CTNNA2: variants seen among roughly 807,000 people sequenced by gnomAD.
CTNNA2 encodes the protein catenin alpha 2.
CTNNA2 carries 42 observed loss-of-function variants against 101.0 expected under a neutral mutation model. The observed-to-expected ratio is 0.42, with a 90% CI of 0.32 to 0.54. The LOEUF (loss-of-function observed/expected upper bound fraction) is 0.54, where lower values mean the gene tolerates loss of function less well. CTNNA2 is among the 20% of genes least tolerant of loss of function. CTNNA2 has a pLI of 0.14. For synonymous variants in CTNNA2, 450 were observed against 456.4 expected, an observed-to-expected ratio of 0.99 and a Z score of 0.18; for missense variants, 871 against 1,223.1, an observed-to-expected ratio of 0.71 and a Z score of 4.29.
intron 6 of CTNNA2, among the ~76,000 whole-genome samples, chr2:79,906,381 A>C (rs1685428175): frequency 6.6e-6 from 1 of 151,952 alleles, no homozygotes; most frequent in African/African-American, 2.4e-5. Context: ...ACACAGGCCC[A>C]CGTGCACTGG....
At chr2:79,713,005 T>C (rs982225964) in intron 2 of CTNNA2, among the ~76,000 whole-genome samples, 2 of 152,216 alleles carry the variant, frequency 1.3e-5, no homozygotes, top group Non-Finnish European at 2.9e-5. Context: ...TTAAACAGCA[T>C]GTATGTGAGT....
chr2:80,504,677 C>T (rs758361601), intron 9 of CTNNA2, among the ~76,000 whole-genome samples: 61 of 152,256 alleles, frequency 4.0e-4, no homozygotes, highest in Non-Finnish European at 6.8e-4. Context: ...GTCTCCTTTA[C>T]GCCTTACCAG....
chr2:79,687,282 T>A (rs954306948), intron 2 of CTNNA2, among the ~76,000 whole-genome samples: 8 of 152,100 alleles, frequency 5.3e-5, no homozygotes, highest in Non-Finnish European at 1.0e-4. Context: ...TCTGAAAAAG[T>A]GATACTCAAA....
intron 3 of CTNNA2, among the ~76,000 whole-genome samples, chr2:79,322,546 C>T (rs571821383): frequency 6.6e-6 from 1 of 152,238 alleles, no homozygotes; most frequent in African/African-American, 2.4e-5. Flanking sequence ...ATATTTCTTT[C>T]CATATGATAC....
chr2:80,606,414 C>CACACACACACA (rs1558638318), intron 16 of CTNNA2, among the ~76,000 whole-genome samples: 7 of 51,614 alleles, frequency 1.4e-4, no homozygotes, highest in African/African-American at 3.2e-4. Flanking sequence ...ACACACACAC[C>CACACACACACA]CCCCAGGATA....
intron 2 of CTNNA2, among the ~76,000 whole-genome samples, chr2:79,220,751 A>G (rs1674331755): frequency 6.6e-6 from 1 of 152,200 alleles, no homozygotes; most frequent in Non-Finnish European, 1.5e-5. Context: ...AGAAATCAAT[A>G]AGTTATATTC....
intron 9 of CTNNA2, among the ~76,000 whole-genome samples, chr2:80,503,448 G>GA (rs1482890160): frequency 6.6e-6 from 1 of 152,160 alleles, no homozygotes; most frequent in African/African-American, 2.4e-5. Flanking sequence ...CCTCTGTTTT[G>GA]AAAAAAATCT....
chr2:79,392,018 C>T (rs144603337), intron 4 of CTNNA2, among the ~76,000 whole-genome samples: 6 of 152,074 alleles, frequency 3.9e-5, no homozygotes, highest in Non-Finnish European at 7.4e-5. Flanking sequence ...AACACCAGTC[C>T]AATTGGATTA....
intron 1 of CTNNA2, among the ~76,000 whole-genome samples, chr2:79,190,127 C>T (rs1393791921): frequency 6.6e-6 from 1 of 152,046 alleles, no homozygotes; most frequent in Non-Finnish European, 1.5e-5. Context: ...TCCTCTGACC[C>T]ATGGATTGTT....
At chr2:80,051,005 C>A (rs951658049) in intron 7 of CTNNA2, among the ~76,000 whole-genome samples, 20 of 152,130 alleles carry the variant, frequency 1.3e-4, no homozygotes, top group Non-Finnish European at 2.2e-4. Context: ...AGATTACAGG[C>A]GTGAGCCATG....
At chr2:79,692,704 T>C (rs1214853177) in intron 2 of CTNNA2, among the ~76,000 whole-genome samples, 1 of 151,660 alleles carries the variant, frequency 6.6e-6, no homozygotes, top group Admixed American at 6.6e-5. Context: ...ATAAAAAGGG[T>C]GAGTTCATGT....
At chr2:79,658,454 C>A (rs773964616) in intron 2 of CTNNA2, among the ~76,000 whole-genome samples, 6 of 151,950 alleles carry the variant, frequency 3.9e-5, no homozygotes, top group Non-Finnish European at 8.8e-5. Flanking sequence ...CTTAATAAAA[C>A]ATAGGTGTCA....
intron 1 of CTNNA2, among the ~76,000 whole-genome samples, chr2:79,590,610 T>A (rs1676783820): frequency 6.6e-6 from 1 of 152,210 alleles, no homozygotes; most frequent in Admixed American, 6.5e-5. Context: ...TACGCTTTCG[T>A]CCTTTATTAA....
chr2:79,216,336 G>GAGTT (rs113275732), intron 2 of CTNNA2, among the ~76,000 whole-genome samples: 8 of 150,480 alleles, frequency 5.3e-5, no homozygotes, highest in African/African-American at 2.0e-4. Flanking sequence ...AGAGAAAAGA[G>GAGTT]AGAGACACGG....
At chr2:79,935,221 A>G (rs570363492) in intron 7 of CTNNA2, among the ~76,000 whole-genome samples, 2 of 152,174 alleles carry the variant, frequency 1.3e-5, no homozygotes, top group Admixed American at 6.5e-5. Context: ...GAAGAACACT[A>G]TTGTCTTTGT....
At chr2:80,285,044 A>G (rs569825322) in intron 7 of CTNNA2, among the ~76,000 whole-genome samples, 3 of 152,134 alleles carry the variant, frequency 2.0e-5, no homozygotes, top group African/African-American at 7.2e-5. Flanking sequence ...TCTTCTAGAC[A>G]TCACTTTCTT....
At position 80,567,560 on chromosome 2, in the gene CTNNA2, T is replaced by G. The variant is rs1694171241; in HGVS notation, c.1742-6603T>G. On this transcript the variant is annotated intron_variant, in intron 12 of 18. Coordinates refer to ENST00000402739, the MANE Select transcript of CTNNA2 (RefSeq NM_001282597.3). ...TCTTCTGTCATCTAATTAGGGGGCCTCCTGAATAATCCCTTAGCAGTGTCT... is the reference window on the plus strand; with the variant it reads ...TCTTCTGTCATCTAATTAGGGGGCCGCCTGAATAATCCCTTAGCAGTGTCT... Among the ~76,000 whole-genome samples, 3 of 152,162 alleles carry G rather than the reference T, an allele frequency of 2.0e-5. No homozygotes were observed. The South Asian group carries it at 6.2e-4, about 32-fold the overall frequency.
intron 9 of CTNNA2, among the ~76,000 whole-genome samples, chr2:80,528,735 C>T (rs1254103632): frequency 2.0e-5 from 3 of 152,058 alleles, no homozygotes; most frequent in Non-Finnish European, 2.9e-5. Context: ...CCAGAGAGGG[C>T]TTTTTTCTTC....
At chr2:80,001,290 A>G (rs1026955943) in intron 7 of CTNNA2, among the ~76,000 whole-genome samples, 6 of 152,152 alleles carry the variant, frequency 3.9e-5, no homozygotes, top group Non-Finnish European at 8.8e-5. Context: ...CTCTAGGGTT[A>G]TGGCCAAACT....
Sources: allele counts gnomAD v4.1 joint callset (sites outside exome capture counted in the v4.1 genomes callset), GRCh38; gene constraint gnomAD v4.1.1; transcripts MANE v1.5; gene names NCBI Gene and HGNC (gene_info 2026-07-23, HGNC 2026-07-21).